PARD3B: variants seen among roughly 807,000 people sequenced by gnomAD.
PARD3B encodes the protein partitioning defective 3 homolog B.
A neutral mutation model predicts 130.2 loss-of-function variants in PARD3B; 103 were observed. The ratio of observed to expected loss-of-function variants is 0.79; its 90% CI spans 0.67 to 0.93. The LOEUF (loss-of-function observed/expected upper bound fraction) is 0.93, where lower values mean the gene tolerates loss of function less well. Among genes scored for constraint, PARD3B ranks in the 40% least tolerant of loss-of-function variants. The probability of loss-of-function intolerance (pLI) is 0.00; values close to 1 mark genes in which losing one functional copy is unlikely to be tolerated. For missense variants in PARD3B, 1,609 were observed against 1,499.2 expected, an observed-to-expected ratio of 1.07 and a Z score of -1.21; for synonymous variants, 583 against 553.2, an observed-to-expected ratio of 1.05 and a Z score of -0.76.
At chr2:205,390,556 TATAAAG>T (rs1013808780) in intron 18 of PARD3B, among the ~76,000 whole-genome samples, 23 of 152,214 alleles carry the variant, frequency 1.5e-4, no homozygotes, top group African/African-American at 5.5e-4. Flanking sequence ...TTTAATCAGT[TATAAAG>T]ATAAGTTTTA....
chr2:204,837,882 C>G (rs1241825154), intron 2 of PARD3B, among the ~76,000 whole-genome samples: 1 of 152,124 alleles, frequency 6.6e-6, no homozygotes, highest in African/African-American at 2.4e-5. Flanking sequence ...CACTATTTGT[C>G]CTACCTAACT....
At position 205,125,858 on chromosome 2, in the gene PARD3B, C is replaced by CACA; in HGVS notation, c.1434+122_1434+124dup. ...GCTTCATTCATAACCAAAATTGAAT[C>CACA]ACACTCAGGGTATTTTACCCCATTT... On this transcript the variant is annotated intron_variant, in intron 10 of 22. Coordinates refer to ENST00000406610, the MANE Select transcript of PARD3B (RefSeq NM_001302769.2). The surrounding 1 kb of genome is among the most constrained non-coding windows in gnomAD (Gnocchi z 4.0). The CACA allele has an allele frequency of 7.4e-7, 1 of 1,348,586 alleles. No individual in the cohort carries two copies. Among genetic ancestry groups the CACA allele is most frequent in the Admixed American group, 2.1e-5 (1 of 46,706 alleles). The allele number at this position is 1,348,586 out of a possible 1,614,324, so 83.5% of individuals were successfully genotyped here.
At chr2:205,167,273 G>A (rs1366564294) in intron 11 of PARD3B, among the ~76,000 whole-genome samples, 1 of 152,046 alleles carries the variant, frequency 6.6e-6, no homozygotes, top group African/African-American at 2.4e-5. Context: ...AGCTTTAGAG[G>A]ACACATGGAG....
intron 21 of PARD3B, among the ~76,000 whole-genome samples, chr2:205,526,487 C>G (rs778504536): frequency 1.3e-5 from 2 of 152,220 alleles, no homozygotes; most frequent in Non-Finnish European, 2.9e-5. Flanking sequence ...TCTGCAGCAG[C>G]TCTGGGGCCT....
At chr2:205,190,347 A>G (rs544602244) in intron 14 of PARD3B, among the ~76,000 whole-genome samples, 51 of 152,336 alleles carry the variant, frequency 3.3e-4, no homozygotes, top group African/African-American at 1.1e-3. Flanking sequence ...AATCTGATCT[A>G]TGTTTTAATG....
At chr2:204,584,920 CAG>C (rs1268406093) in intron 1 of PARD3B, among the ~76,000 whole-genome samples, 3 of 152,212 alleles carry the variant, frequency 2.0e-5, no homozygotes, top group African/African-American at 7.2e-5. Context: ...GTGAGGAACT[CAG>C]AGACCAGCAA....
chr2:204,772,542 C>T (rs1264817070), intron 2 of PARD3B, among the ~76,000 whole-genome samples: 1 of 152,018 alleles, frequency 6.6e-6, no homozygotes, highest in Non-Finnish European at 1.5e-5. Flanking sequence ...AGCAACAATT[C>T]AAGTTTAATG....
intron 2 of PARD3B, among the ~76,000 whole-genome samples, chr2:204,941,924 G>T (rs1688937823): frequency 6.6e-6 from 1 of 152,078 alleles, no homozygotes; most frequent in African/African-American, 2.4e-5. Context: ...CTAAAAGGGA[G>T]AACAGAACTT....
At chr2:205,450,466 C>CTTTG (rs2048058619) in intron 20 of PARD3B, among the ~76,000 whole-genome samples, 1 of 78,378 alleles carries the variant, frequency 1.3e-5, no homozygotes. Flanking sequence ...AGTGCAGATT[C>CTTTG]TTTTTTTTTT....
At chr2:205,424,712 A>G (rs1159901266) in intron 19 of PARD3B, among the ~76,000 whole-genome samples, 1 of 152,122 alleles carries the variant, frequency 6.6e-6, no homozygotes, top group Non-Finnish European at 1.5e-5. Context: ...AAGTTTATGT[A>G]GCTTACAATA....
At chr2:204,938,457 T>G (rs1459008073) in intron 2 of PARD3B, among the ~76,000 whole-genome samples, 2 of 152,246 alleles carry the variant, frequency 1.3e-5, no homozygotes, top group Non-Finnish European at 2.9e-5. Flanking sequence ...AGCTCTCAGC[T>G]TAAATATCAC....
intron 2 of PARD3B, among the ~76,000 whole-genome samples, chr2:204,827,452 A>G (rs1297199090): frequency 6.6e-6 from 1 of 152,214 alleles, no homozygotes; most frequent in Non-Finnish European, 1.5e-5. Context: ...CAGAACTAGG[A>G]AAGATAGTTC....
At chr2:205,211,540 A>G (rs562754016) in intron 15 of PARD3B, among the ~76,000 whole-genome samples, 65 of 152,252 alleles carry the variant, frequency 4.3e-4, no homozygotes, top group Non-Finnish European at 6.5e-4. Flanking sequence ...TAATAACGCA[A>G]TAAGTGAATA....
chr2:205,545,437 A>G (rs978317487), intron 21 of PARD3B, among the ~76,000 whole-genome samples: 18 of 152,226 alleles, frequency 1.2e-4, no homozygotes, highest in African/African-American at 4.3e-4. Flanking sequence ...AATATCTGTC[A>G]TGATACCAAC....
intron 3 of PARD3B, among the ~76,000 whole-genome samples, chr2:205,032,610 A>G (rs1015246665): frequency 2.6e-5 from 4 of 152,090 alleles, no homozygotes; most frequent in Non-Finnish European, 5.9e-5. Flanking sequence ...AGTTTTCTGG[A>G]TTGAGCTTTA....
At chr2:205,576,074 G>T (rs183330796) in intron 22 of PARD3B, among the ~76,000 whole-genome samples, 72 of 152,242 alleles carry the variant, frequency 4.7e-4, no homozygotes, top group African/African-American at 1.5e-3. Flanking sequence ...ATCCTAATAG[G>T]TATGTAGTAG....
chr2:204,662,806 A>G (rs947423396), intron 1 of PARD3B, among the ~76,000 whole-genome samples: 1 of 152,204 alleles, frequency 6.6e-6, no homozygotes, highest in African/African-American at 2.4e-5. Context: ...TTGACCCGCC[A>G]TCAGTCCAAA....
intron 3 of PARD3B, among the ~76,000 whole-genome samples, chr2:205,046,753 A>G (rs1031608818): frequency 3.9e-5 from 6 of 152,208 alleles, no homozygotes; most frequent in African/African-American, 1.4e-4. Context: ...GCTAATTTTT[A>G]TATGAGAGTG....
intron 3 of PARD3B, among the ~76,000 whole-genome samples, chr2:204,972,793 C>T (rs958397785): frequency 6.6e-6 from 1 of 152,180 alleles, no homozygotes; most frequent in African/African-American, 2.4e-5. Flanking sequence ...TCTGCAGATC[C>T]TCTAATAAAC....
Sources: allele counts gnomAD v4.1 joint callset (sites outside exome capture counted in the v4.1 genomes callset), GRCh38; gene constraint gnomAD v4.1.1; non-coding constraint Gnocchi (gnomAD v3.1); transcripts MANE v1.5; gene names NCBI Gene and HGNC (gene_info 2026-07-23, HGNC 2026-07-21).